ADGRD2: variants seen among roughly 807,000 people sequenced by gnomAD.
ADGRD2 encodes G protein-coupled receptor PGR24.
In ADGRD2, 71 loss-of-function variants were observed where a neutral mutation model predicts 44.4. The ratio of observed to expected loss-of-function variants is 1.60; its 90% confidence interval spans 1.32 to 1.95. The LOEUF is 1.95. Among genes scored for constraint, ADGRD2 ranks in the 30% most tolerant of loss-of-function variants. The probability of loss-of-function intolerance (pLI) is 0.00; values close to 1 mark genes in which losing one functional copy is unlikely to be tolerated. For synonymous variants in ADGRD2, 481 were observed against 224.8 expected (o/e 2.14, Z -10.19); for missense variants, 1,039 against 512.4 (o/e 2.03, Z -9.92).
chr9:124,454,621 G>A lies in ADGRD2; in HGVS notation c.1108+52G>A, dbSNP rs1173257946. The A allele has an allele frequency of 4.3e-6, 3 of 698,714 alleles. No homozygotes were observed. The highest frequency in any genetic ancestry group is 8.0e-6 in the Non-Finnish European group (3 of 373,200). 43.3% of individuals were successfully genotyped at this position (698,714 alleles called of 1,614,324 possible). On this transcript the variant is annotated intron_variant, in intron 5 of 21. Transcript: ENST00000334810. The surrounding 1 kb of genome is among the most constrained non-coding windows in gnomAD (Gnocchi z 4.5). Reference sequence around the variant, plus strand: ...GCCTGGGGGCTCCATGGGTCACCTCGCTGCACCTCAGTTTCCTCCCTTGTA... The same window carrying A: ...GCCTGGGGGCTCCATGGGTCACCTCACTGCACCTCAGTTTCCTCCCTTGTA...
chr9:124,478,099 C>T (rs955188253), intron 21 of ADGRD2, among the ~76,000 whole-genome samples, 182 bp from the exon 25 acceptor site: 1 of 152,320 alleles, frequency 6.6e-6, no homozygotes, highest in African/African-American at 2.4e-5. Context: ...GCCGCCACCG[C>T]CCCTCCTGAA....
chr9:124,453,562 C>G (rs1220012314), exon 3 of ADGRD2: 3 of 697,046 alleles, frequency 4.3e-6, no homozygotes, highest in African/African-American at 1.8e-5. Flanking sequence ...TCAGCTGCAC[C>G]GGGCACGGGC....
chr9:124,462,644 AC>A (rs1272724840), intron 10 of ADGRD2, among the ~76,000 whole-genome samples: 2 of 71,166 alleles, frequency 2.8e-5, no homozygotes, highest in Non-Finnish European at 4.8e-5. Flanking sequence ...CCTAAGTATT[AC>A]ATAAGTTTTG....
chr9:124,460,147 A>C (rs1280484007), intron 10 of ADGRD2, among the ~76,000 whole-genome samples: 1 of 151,696 alleles, frequency 6.6e-6, no homozygotes, highest in Admixed American at 6.6e-5. Context: ...ATATATCGTC[A>C]GAATGGGGCT....
At chr9:124,452,951 G>C (rs1264902754) in intron 2 of ADGRD2, 84 bp from the exon 6 acceptor site, 3 of 605,272 alleles carry the variant, frequency 5.0e-6, no homozygotes, top group Non-Finnish European at 5.9e-6. Context: ...AGCCTGGAAG[G>C]ACCCCACCGC....
chr9:124,450,501 G>C (rs1831445490), upstream of ADGRD2, among the ~76,000 whole-genome samples: 2 of 152,256 alleles, frequency 1.3e-5, no homozygotes, highest in South Asian at 4.1e-4. Flanking sequence ...CGCCAGGCCA[G>C]CCATAGCGGG....
chr9:124,455,675 C>T (rs934999478), intron 6 of ADGRD2, among the ~76,000 whole-genome samples: 4 of 152,114 alleles, frequency 2.6e-5, no homozygotes, highest in Non-Finnish European at 4.4e-5. Flanking sequence ...GAGCCTCCAC[C>T]ATCTCCAAGA....
At chr9:124,461,329 G>A (rs906936028) in intron 10 of ADGRD2, among the ~76,000 whole-genome samples, 4 of 152,272 alleles carry the variant, frequency 2.6e-5, no homozygotes, top group African/African-American at 7.2e-5. Context: ...GTCTTGCATA[G>A]CTCATGCTTT....
chr9:124,462,231 A>T, intron 10 of ADGRD2, among the ~76,000 whole-genome samples: 1 of 142,856 alleles, frequency 7.0e-6, no homozygotes, highest in Non-Finnish European at 1.5e-5. Flanking sequence ...TGCCTGGCTA[A>T]TTTTTTTTTT....
At chr9:124,457,735 C>T (rs1831645044) in intron 8 of ADGRD2, 129 bp downstream of exon 11, 1 of 553,820 alleles carries the variant, frequency 1.8e-6, no homozygotes, top group African/African-American at 1.9e-5. Flanking sequence ...GGGCACATTA[C>T]TACTTGCCTT....
chr9:124,475,554 T>C lies in ADGRD2; in HGVS notation c.2801-17T>C. 1 of 711,780 alleles carries C rather than the reference T, an allele frequency of 1.4e-6. No homozygotes were observed. The highest frequency in any genetic ancestry group is 2.6e-6 in the Non-Finnish European group (1 of 381,716). The allele number at this position is 711,780 out of a possible 1,614,324, so 44.1% of individuals were successfully genotyped here. Reference sequence around the variant, plus strand: ...GGTAGGGAGGGTCCCCAGCCTGACCTCCAAGTATTCCCCCAGGTGCGGAGC... The same window carrying C: ...GGTAGGGAGGGTCCCCAGCCTGACCCCCAAGTATTCCCCCAGGTGCGGAGC... On this transcript the variant is annotated splice_polypyrimidine_tract_variant and intron_variant, in intron 18 of 21. Transcript: ENST00000334810.
intron 10 of ADGRD2, among the ~76,000 whole-genome samples, chr9:124,460,614 T>C (rs1376457091): frequency 6.6e-6 from 1 of 151,670 alleles, no homozygotes; most frequent in Non-Finnish European, 1.5e-5. Context: ...GAATCATTCA[T>C]GTTGTTGCAC....
At chr9:124,453,537 G>A in exon 3 of ADGRD2, 3 of 697,642 alleles carry the variant, frequency 4.3e-6, no homozygotes, top group Non-Finnish European at 7.9e-6. Flanking sequence ...TGTGGGCGCG[G>A]GCGCTGAGCC....
At chr9:124,472,246 A>G (rs1450504672) in intron 17 of ADGRD2, among the ~76,000 whole-genome samples, 4 of 151,922 alleles carry the variant, frequency 2.6e-5, no homozygotes, top group South Asian at 2.1e-4. Flanking sequence ...CTCTGTCCCA[A>G]TCTTCATCTC....
intron 10 of ADGRD2, among the ~76,000 whole-genome samples, chr9:124,460,013 T>G (rs1831697159): frequency 6.6e-6 from 1 of 152,014 alleles, no homozygotes; most frequent in African/African-American, 2.4e-5. Context: ...ATACACAAAT[T>G]TCTTCTCCCT....
At chr9:124,475,361 A>C (rs1832024712) in intron 17 of ADGRD2, 85 bp from the exon 21 acceptor site, 2 of 660,298 alleles carry the variant, frequency 3.0e-6, no homozygotes, top group Non-Finnish European at 5.6e-6. Context: ...TGCCACTGGG[A>C]GGCGCCGGGA....
chr9:124,456,164 G>T (rs1831612778), intron 6 of ADGRD2, among the ~76,000 whole-genome samples: 1 of 152,230 alleles, frequency 6.6e-6, no homozygotes, highest in Non-Finnish European at 1.5e-5. Context: ...CCTTGCTAAG[G>T]CAATGGAGAG....
intron 10 of ADGRD2, among the ~76,000 whole-genome samples, chr9:124,462,586 G>A (rs7851555): frequency 0.7 from 107,048 of 151,968 alleles, 38,626 homozygotes; most frequent in African/African-American, 0.86. Context: ...TCTCAGTGAT[G>A]TATACCTTTC....
chr9:124,470,233 A>C (rs879648275), intron 16 of ADGRD2, among the ~76,000 whole-genome samples: 2 of 152,098 alleles, frequency 1.3e-5, no homozygotes, highest in Admixed American at 1.3e-4. Flanking sequence ...CTACCACCCC[A>C]TTCCTTCCAG....
Sources: gnomAD v4.1 joint callset for allele counts (sites outside exome capture counted in the v4.1 genomes callset) on GRCh38, gnomAD v4.1.1 for gene constraint, Gnocchi (gnomAD v3.1) non-coding constraint, MANE v1.5 for transcripts, NCBI Gene and HGNC (gene_info 2026-07-23, HGNC 2026-07-21) for gene names.